CFAP206: variants seen among roughly 807,000 people sequenced by gnomAD.
CFAP206 encodes the protein cilia and flagella associated protein 206.
Under a neutral mutation model 65.4 loss-of-function variants are expected in CFAP206, and 53 were observed. The observed-to-expected ratio is 0.81, with a 90% confidence interval of 0.65 to 1.02. CFAP206 has a LOEUF of 1.02. CFAP206 is among the 50% of genes least tolerant of loss of function. The pLI is 0.00. For missense variants in CFAP206, 663 were observed against 753.2 expected, an observed-to-expected ratio of 0.88 and a Z score of 1.40; for synonymous variants, 250 against 254.4, an observed-to-expected ratio of 0.98 and a Z score of 0.17.
At chr6:87,458,308 C>T (rs757159149) in intron 11 of CFAP206, among the ~76,000 whole-genome samples, 21 of 152,068 alleles carry the variant, frequency 1.4e-4, no homozygotes, top group Admixed American at 6.6e-4. Flanking sequence ...CCTGCAATCC[C>T]ACTGCTAGGT....
rs1317726111 is a variant in CFAP206 at position 87,416,831 on chromosome 6, G to A, written c.631+4G>A. 1 of 1,610,650 alleles carries A rather than the reference G, an allele frequency of 6.2e-7. No individual in the cohort carries two copies. Among genetic ancestry groups the A allele is most frequent in the Admixed American group, 1.7e-5 (1 of 59,832 alleles). On this transcript the variant is annotated splice_donor_region_variant and intron_variant, in intron 6 of 12. Transcript: ENST00000369562. ...GGAGGAGAAGGCATTGATGATTGTA[G>A]GTATATCATTAGATTAATTCTAAAG...
chr6:87,431,072 G>A lies in CFAP206; in HGVS notation c.1199G>A (p.Trp400Ter). The stretch of plus-strand genomic sequence containing the variant: ...GTGGCAGATTTCAGAAAACTAGAAT[G>A]GCTTTTCCCAGAAACAACAGCAAAT... Reference protein sequence around the residue: ...VNVADFRKLEWLFPETTANFD... With the variant: ...VNVADFRKLE The change falls in exon 10 of 13, where the codon TGG becomes TAG. Residue 400 changes from tryptophan to a stop codon, truncating the protein, a stop_gained. Coordinates refer to ENST00000369562, the MANE Select transcript of CFAP206 (RefSeq NM_001031743.3). LOFTEE classifies it high-confidence loss of function. 6.2e-7 allele frequency: 1 copy of A among 1,613,892 alleles called. No individual in the cohort carries two copies. The highest frequency in any genetic ancestry group is 2.2e-5 in the East Asian group (1 of 44,866).
intron 11 of CFAP206, among the ~76,000 whole-genome samples, chr6:87,442,963 A>T (rs9294381): frequency 0.58 from 87,891 of 151,792 alleles, 25,629 homozygotes; most frequent in Admixed American, 0.67. Flanking sequence ...TCCGTTGTTT[A>T]GATGTGAAAG....
At chr6:87,447,991 A>G (rs1315743548) in intron 11 of CFAP206, among the ~76,000 whole-genome samples, 2 of 84,084 alleles carry the variant, frequency 2.4e-5, no homozygotes, top group Non-Finnish European at 5.4e-5. Flanking sequence ...GTTCTGGGAT[A>G]CATGTGCAGA....
chr6:87,409,752 C>A (rs1767697763), intron 1 of CFAP206, 83 bp from the exon 2 acceptor site: 1 of 846,186 alleles, frequency 1.2e-6, no homozygotes, highest in South Asian at 1.5e-5. Context: ...TTTACAAATA[C>A]AATATTGCAG....
chr6:87,433,820 C>G (rs1488085205), intron 10 of CFAP206, among the ~76,000 whole-genome samples: 2 of 152,012 alleles, frequency 1.3e-5, no homozygotes, highest in Non-Finnish European at 2.9e-5. Flanking sequence ...GTGGAAGGGG[C>G]TGGGCGTGGT....
intron 7 of CFAP206, among the ~76,000 whole-genome samples, chr6:87,421,575 T>C (rs752520820): frequency 6.6e-5 from 10 of 152,206 alleles, no homozygotes; most frequent in East Asian, 1.9e-4. Flanking sequence ...AGTGAACACA[T>C]TGAAATATTC....
At chr6:87,437,690 C>CTG (rs1768296364) in intron 11 of CFAP206, among the ~76,000 whole-genome samples, 1 of 151,808 alleles carries the variant, frequency 6.6e-6, no homozygotes, top group Non-Finnish European at 1.5e-5. Flanking sequence ...GAGGCTCACT[C>CTG]TGTAGCCCAG....
intron 4 of CFAP206, 116 bp from the exon 5 acceptor site, chr6:87,415,570 A>T (rs1260414828): frequency 1.1e-6 from 1 of 940,038 alleles, no homozygotes; most frequent in Non-Finnish European, 1.7e-6. Flanking sequence ...CAGCTTAAGA[A>T]ATTACTTGTT....
intron 1 of CFAP206, among the ~76,000 whole-genome samples, chr6:87,409,214 A>G (rs1413024185): frequency 6.7e-6 from 1 of 149,466 alleles, no homozygotes; most frequent in Non-Finnish European, 1.5e-5. Flanking sequence ...CTCCCCTACA[A>G]ATACTGCTTA....
At chr6:87,461,355 T>C (rs1768745796) in intron 12 of CFAP206, among the ~76,000 whole-genome samples, 190 bp downstream of exon 12, 1 of 152,212 alleles carries the variant, frequency 6.6e-6, no homozygotes, top group Non-Finnish European at 1.5e-5. Context: ...TAAGCATATA[T>C]AGAACAATGA....
chr6:87,426,467 CAT>C (rs957565303), intron 7 of CFAP206, 57 bp from the exon 8 acceptor site: 1 of 1,316,078 alleles, frequency 7.6e-7, no homozygotes, highest in East Asian at 2.7e-5. Context: ...GTCTGAAACA[CAT>C]ATGATTTTTA....
intron 12 of CFAP206, among the ~76,000 whole-genome samples, chr6:87,462,408 C>G (rs2127958395): frequency 6.6e-6 from 1 of 152,270 alleles, no homozygotes; most frequent in South Asian, 2.1e-4. Context: ...AAATGCCCAA[C>G]CCCCATATTA....
intron 7 of CFAP206, among the ~76,000 whole-genome samples, chr6:87,421,172 A>T (rs887117059): frequency 6.6e-6 from 1 of 152,226 alleles, no homozygotes; most frequent in Non-Finnish European, 1.5e-5. Flanking sequence ...TCAAAGTTTC[A>T]GTTTATGTGA....
intron 10 of CFAP206, 46 bp from the exon 11 acceptor site, chr6:87,434,814 A>AT (rs1768226002): frequency 1.9e-6 from 2 of 1,079,512 alleles, no homozygotes; most frequent in Non-Finnish European, 2.6e-6. Flanking sequence ...ACAATATTTC[A>AT]TAAGTGATCA....
intron 11 of CFAP206, among the ~76,000 whole-genome samples, chr6:87,459,876 C>G (rs144349506): frequency 6.6e-6 from 1 of 152,102 alleles, no homozygotes; most frequent in East Asian, 1.9e-4. Context: ...TTGTTTTTTC[C>G]TGTCTTTCTG....
intron 2 of CFAP206, 130 bp downstream of exon 2, chr6:87,410,077 A>G (rs973870080): frequency 4.3e-5 from 28 of 648,862 alleles, no homozygotes; most frequent in Non-Finnish European, 6.2e-5. Context: ...AGATAATTGG[A>G]CAAATTTGTG....
Position 87,408,505 on chromosome 6 carries a change from T to TCCGGAGCGCGCACACAGAC in CFAP206, c.-6+434_-6+435insCCCGGAGCGCGCACACAGA, listed in dbSNP as rs1767668665. 5 of 71,646 alleles carry TCCGGAGCGCGCACACAGAC rather than the reference T, an allele frequency of 7.0e-5. 2 individuals carry two copies. Among genetic ancestry groups the TCCGGAGCGCGCACACAGAC allele is most frequent in the African/African-American group, 3.3e-4 (5 of 15,026 alleles). 4.4% of individuals were successfully genotyped at this position (71,646 alleles called of 1,614,324 possible). A position where few individuals can be genotyped will look rare whatever the true frequency, so the allele number is the denominator to read the frequency against. On this transcript the variant is annotated intron_variant, in intron 1 of 12. Transcript: ENST00000369562. ...CACAGATCCGGAGCGCGCACACAGA[T>TCCGGAGCGCGCACACAGAC]CCGGAGCGCGCACACAGATCCGGAG...
chr6:87,431,209 C>T (rs754527179), intron 10 of CFAP206, 36 bp downstream of exon 10: 18 of 1,582,848 alleles, frequency 1.1e-5, no homozygotes, highest in Admixed American at 5.4e-5. Flanking sequence ...CTCCTTTCCC[C>T]GATTTTTTCT....
Sources: gnomAD v4.1 joint callset for allele counts (sites outside exome capture counted in the v4.1 genomes callset) on GRCh38, gnomAD v4.1.1 for gene constraint, MANE v1.5 for transcripts, NCBI Gene and HGNC (gene_info 2026-07-23, HGNC 2026-07-21) for gene names.